Variants in GIGYF2 observed in about 807,000 individuals in gnomAD.
The protein encoded by GIGYF2 is GRB10-interacting GYF protein 2.
A neutral mutation model predicts 208.1 loss-of-function variants in GIGYF2; 25 were observed. The ratio of observed to expected loss-of-function variants is 0.12; its 90% CI spans 0.09 to 0.17. GIGYF2 has a LOEUF of 0.17. Ranked by LOEUF, GIGYF2 falls within the 10% of genes least tolerant of loss-of-function variation. GIGYF2 has a pLI of 1.00. For synonymous variants in GIGYF2, 534 were observed against 543.8 expected (o/e 0.98, Z 0.25); for missense variants, 1,302 against 1,579.4 (o/e 0.82, Z 2.98).
chr2:232,700,582 T>C (rs1192772707), intron 1 of GIGYF2: 1 of 152,230 alleles, frequency 6.6e-6, no homozygotes, highest in Non-Finnish European at 1.5e-5. Context: ...CTATTTCTTA[T>C]AGATTATAGT....
At chr2:232,768,852 CTT>C (rs1200219076) in intron 8 of GIGYF2, 3 of 1,524,530 alleles carry the variant, frequency 2.0e-6, no homozygotes, top group Non-Finnish European at 2.7e-6. Context: ...AGAATGAAGA[CTT>C]TAAATATCAA....
intron 2 of GIGYF2, among the ~76,000 whole-genome samples, chr2:232,712,465 C>G (rs190871968): frequency 1.4e-4 from 21 of 152,286 alleles, no homozygotes; most frequent in Admixed American, 1.3e-3. Flanking sequence ...CCCCCTCTCT[C>G]TTATGAGTAC....
At chr2:232,768,407 T>G (rs1184248252) in intron 8 of GIGYF2, 1 of 1,614,174 alleles carries the variant, frequency 6.2e-7, no homozygotes, top group South Asian at 1.1e-5. Context: ...TTTCAGACGG[T>G]AGGTAGGATG....
intron 14 of GIGYF2, among the ~76,000 whole-genome samples, chr2:232,803,386 G>T (rs1047330843): frequency 3.3e-5 from 5 of 152,020 alleles, no homozygotes; most frequent in African/African-American, 1.2e-4. Flanking sequence ...TTTGTATTAA[G>T]TTTAACAAGA....
intron 12 of GIGYF2, among the ~76,000 whole-genome samples, chr2:232,793,444 G>T (rs1397419676): frequency 6.6e-6 from 1 of 152,064 alleles, no homozygotes; most frequent in Non-Finnish European, 1.5e-5. Context: ...GAGGATTATG[G>T]TGCCATTCAC....
At chr2:232,728,058 G>A (rs144571326) in intron 2 of GIGYF2, among the ~76,000 whole-genome samples, 91 of 152,250 alleles carry the variant, frequency 6.0e-4, no homozygotes, top group Non-Finnish European at 1.1e-3. Flanking sequence ...TACTACTTTG[G>A]GAACTATTTT....
At chr2:232,735,106 CCA>C in intron 2 of GIGYF2, 47 bp from the exon 3 acceptor site, 1 of 853,790 alleles carries the variant, frequency 1.2e-6, no homozygotes, top group South Asian at 1.4e-5. Flanking sequence ...GCCTGGAATT[CCA>C]CATTTAATCT....
chr2:232,771,574 A>C, intron 8 of GIGYF2: 1 of 510,734 alleles, frequency 2.0e-6, no homozygotes, highest in Non-Finnish European at 3.5e-6. Context: ...GTTACCTTAA[A>C]ATATCTCTTC....
chr2:232,704,321 C>T (rs377112237), intron 2 of GIGYF2, among the ~76,000 whole-genome samples: 5 of 152,156 alleles, frequency 3.3e-5, no homozygotes, highest in Non-Finnish European at 5.9e-5. Context: ...AAAGAGTTAA[C>T]GTACATGCCT....
intron 13 of GIGYF2, 145 bp from the exon 14 acceptor site, chr2:232,795,917 T>C: frequency 1.5e-6 from 1 of 679,218 alleles, no homozygotes; most frequent in Non-Finnish European, 2.7e-6. Flanking sequence ...CATGGCATTG[T>C]TGGGAGAAGT....
chr2:232,831,489 C>T (rs189453700), intron 21 of GIGYF2, among the ~76,000 whole-genome samples: 23 of 152,274 alleles, frequency 1.5e-4, no homozygotes, highest in African/African-American at 5.5e-4. Flanking sequence ...TTGTTTCTGT[C>T]CTCAAGAAGC....
chr2:232,737,232 C>G (rs1227787192), intron 3 of GIGYF2, among the ~76,000 whole-genome samples: 1 of 152,186 alleles, frequency 6.6e-6, no homozygotes, highest in Non-Finnish European at 1.5e-5. Flanking sequence ...GAGCATCTTT[C>G]AATAGTATCT....
chr2:232,768,682 G>T (rs555313069), intron 8 of GIGYF2: 1 of 1,609,822 alleles, frequency 6.2e-7, no homozygotes, highest in East Asian at 2.2e-5. Context: ...CTGGTTAGAG[G>T]GCTAGGTCGG....
chr2:232,856,570 G>A (rs960130062), intron 28 of GIGYF2, among the ~76,000 whole-genome samples: 3 of 152,064 alleles, frequency 2.0e-5, no homozygotes, highest in Non-Finnish European at 4.4e-5. Flanking sequence ...GCATGTGTCT[G>A]TAATCCAGCT....
intron 14 of GIGYF2, among the ~76,000 whole-genome samples, chr2:232,800,183 A>C (rs1700353532): frequency 6.6e-6 from 1 of 151,324 alleles, no homozygotes; most frequent in Non-Finnish European, 1.5e-5. Flanking sequence ...TTGGTGTCAT[A>C]TCCTAGAAAT....
Position 232,703,006 on chromosome 2 carries a change from T to TG in GIGYF2, c.-109-417dup, listed in dbSNP as rs371680585. 8.4e-4 allele frequency among the ~76,000 whole-genome samples: 128 copies of TG among 152,260 alleles called. 1 individual carries two copies. Among genetic ancestry groups the TG allele is most frequent in the African/African-American group, 2.6e-3 (106 of 41,558 alleles). On this transcript the variant is annotated intron_variant, in intron 1 of 28. Coordinates refer to ENST00000373563, the MANE Select transcript of GIGYF2 (RefSeq NM_001103146.3). ...TTTGCCATGTTGCCCAGGCTGGTCT[T>TG]GAATTCGTGGGCTCAATCGATCACC...
intron 8 of GIGYF2, among the ~76,000 whole-genome samples, chr2:232,786,756 G>T (rs190875784): frequency 6.6e-6 from 1 of 152,120 alleles, no homozygotes; most frequent in Non-Finnish European, 1.5e-5. Context: ...CCTGAGGGTG[G>T]CGTTTGTGTG....
chr2:232,734,777 A>G (rs1697663220), intron 2 of GIGYF2, among the ~76,000 whole-genome samples: 2 of 152,142 alleles, frequency 1.3e-5, no homozygotes, highest in South Asian at 4.1e-4. Context: ...AGTCATTACT[A>G]GGAAGTAATA....
rs1690629443 is a variant in GIGYF2 at position 232,857,745 on chromosome 2, C to A, written c.*885C>A. ...AAAATTTGTCTCGTTTAAGAGGCAG[C>A]TAGAATCTTTACCATATGTATGAAT... On this transcript the variant is annotated 3_prime_UTR_variant, in exon 29 of 29. Coordinates refer to ENST00000373563, the MANE Select transcript of GIGYF2 (RefSeq NM_001103146.3). The A allele has an allele frequency of 1.3e-5, 2 of 152,602 alleles. No individual in the cohort carries two copies. Among genetic ancestry groups the A allele is most frequent in the Admixed American group, 1.3e-4 (2 of 15,276 alleles). The allele number at this position is 152,602 out of a possible 1,614,324, so 9.5% of individuals were successfully genotyped here. A position where few individuals can be genotyped will look rare whatever the true frequency, so the allele number is the denominator to read the frequency against.
Sources: allele counts gnomAD v4.1 joint callset (sites outside exome capture counted in the v4.1 genomes callset), GRCh38; gene constraint gnomAD v4.1.1; transcripts MANE v1.5; gene names NCBI Gene and HGNC (gene_info 2026-07-23, HGNC 2026-07-21).